PPA1: variants seen among roughly 807,000 people sequenced by gnomAD.
PPA1 encodes inorganic pyrophosphatase 1, also known as inorganic pyrophosphatase.
PPA1 carries 23 observed loss-of-function variants against 41.8 expected under a neutral mutation model. The ratio of observed to expected loss-of-function variants is 0.55; its 90% CI spans 0.40 to 0.78. The LOEUF is 0.78. PPA1 is among the 30% of genes least tolerant of loss of function. The probability of loss-of-function intolerance (pLI) is 0.00; values close to 1 mark genes in which losing one functional copy is unlikely to be tolerated. For missense variants in PPA1, 320 were observed against 361.6 expected, an observed-to-expected ratio of 0.89 and a Z score of 0.93; for synonymous variants, 101 against 116.8, an observed-to-expected ratio of 0.86 and a Z score of 0.87.
At chr10:70,232,254 C>CA (rs1252392868) in intron 1 of PPA1, among the ~76,000 whole-genome samples, 2 of 152,206 alleles carry the variant, frequency 1.3e-5, no homozygotes, top group African/African-American at 4.8e-5. Context: ...TACACCAACT[C>CA]AGAGTTCGAG....
chr10:70,211,017 C>A (rs937178966), intron 6 of PPA1, among the ~76,000 whole-genome samples: 1 of 152,184 alleles, frequency 6.6e-6, no homozygotes, highest in Admixed American at 6.5e-5. Flanking sequence ...CCTGCCTCGG[C>A]CTCCCAAAGT....
intron 2 of PPA1, among the ~76,000 whole-genome samples, chr10:70,227,137 T>C (rs1381917697): frequency 2.6e-5 from 4 of 151,876 alleles, no homozygotes; most frequent in Non-Finnish European, 5.9e-5. Context: ...TGTTAGAAGA[T>C]ACTCTGAGCT....
intron 6 of PPA1, among the ~76,000 whole-genome samples, chr10:70,213,194 T>C (rs974396279): frequency 6.6e-6 from 1 of 152,088 alleles, no homozygotes; most frequent in Non-Finnish European, 1.5e-5. Flanking sequence ...TTAAAATAAA[T>C]AAACATACCA....
intron 7 of PPA1, 35 bp from the exon 8 acceptor site, chr10:70,209,325 A>G: frequency 2.7e-6 from 4 of 1,490,264 alleles, no homozygotes; most frequent in Non-Finnish European, 3.7e-6. Flanking sequence ...ACAATGATAA[A>G]AAGGTATTAT....
chr10:70,215,420 A>T (rs1402830952), intron 4 of PPA1, among the ~76,000 whole-genome samples: 2 of 152,058 alleles, frequency 1.3e-5, no homozygotes, highest in Non-Finnish European at 2.9e-5. Flanking sequence ...TTCCCAAAAC[A>T]GAAGTAGATA....
At position 70,227,216 on chromosome 10, in the gene PPA1, C is replaced by A. The variant is rs1168348536; in HGVS notation, c.123+3125G>T. ...GGACATCCCTACAATTTAAAAATAT[C>A]CAGTGAGCCCTTGCCTTTACCTTCT... On this transcript the variant is annotated intron_variant, in intron 2 of 10. Transcript: ENST00000373232. Among the ~76,000 whole-genome samples, 12 of 152,300 alleles carry A rather than the reference C, an allele frequency of 7.9e-5. No individual in the cohort carries two copies. The East Asian group carries it at 2.3e-3, about 29-fold the overall frequency.
In PPA1 at chr10:70,209,572, C is replaced by T. The variant is rs376889498; in HGVS notation, c.625G>A (p.Glu209Lys). ...KPENEFAFNAEFKDKDFAIDI... is the reference protein window; with the variant it reads ...KPENEFAFNAKFKDKDFAIDI... ...TGACATATTACCTTATCTTTAAATT[C>T]TGCATTAAACGCAAACTCATTTTCT... Residue 209 changes from glutamate to lysine, a missense_variant, in exon 7 of 11, where the codon GAA becomes AAA. Transcript: ENST00000373232. The T allele has an allele frequency of 1.7e-4, 275 of 1,601,920 alleles. No homozygotes were observed. The highest frequency in any genetic ancestry group is 2.3e-4 in the Non-Finnish European group (267 of 1,177,314).
chr10:70,206,101 G>C, intron 9 of PPA1, 163 bp downstream of exon 9: 1 of 604,608 alleles, frequency 1.7e-6, no homozygotes, highest in Non-Finnish European at 3.0e-6. Context: ...CAGTCAAATG[G>C]CCACTTGCAT....
Position 70,209,225 on chromosome 10 carries a change from C to T in PPA1, c.705G>A (p.Thr235=), listed in dbSNP as rs757175798. 4.3e-5 allele frequency: 69 copies of T among 1,598,646 alleles called. No individual in the cohort carries two copies. Among genetic ancestry groups the T allele is most frequent in the Non-Finnish European group, 5.6e-5 (65 of 1,166,324 alleles). The change falls in exon 8 of 11, where the codon ACG becomes ACA. Residue 235 remains threonine, a synonymous_variant. Coordinates refer to ENST00000373232, the MANE Select transcript of PPA1 (RefSeq NM_021129.4). ...CTTACCAACTGATTCCTTTTCCATTCGTTTTCTTAGTCACTAATGCTTTCC... is the reference window on the plus strand; with the variant it reads ...CTTACCAACTGATTCCTTTTCCATTTGTTTTCTTAGTCACTAATGCTTTCC... ...DHWKALVTKK[T]NGKGISCMNT...
intron 10 of PPA1, chr10:70,203,541 T>C (rs1310614973): frequency 5.1e-6 from 1 of 194,212 alleles, no homozygotes; most frequent in East Asian, 1.5e-4. Context: ...GCAGCTGGTA[T>C]TACAGACGTG....
intron 3 of PPA1, 54 bp from the exon 4 acceptor site, chr10:70,217,985 A>G: frequency 7.1e-7 from 1 of 1,417,836 alleles, no homozygotes; most frequent in Non-Finnish European, 9.6e-7. Flanking sequence ...ATACTATTCA[A>G]ATAAGGATCT....
rs914106366 is a variant in PPA1 at position 70,218,631 on chromosome 10, T to C, written c.177+133A>G. Reference sequence around the variant, plus strand: ...GGGAAGACTAGTAGGCAATGGGAGATACAACTAGAAAATAGACTGGGACCA... The same window carrying C: ...GGGAAGACTAGTAGGCAATGGGAGACACAACTAGAAAATAGACTGGGACCA... On this transcript the variant is annotated intron_variant, in intron 3 of 10. Coordinates refer to ENST00000373232, the MANE Select transcript of PPA1 (RefSeq NM_021129.4). 4.4e-6 allele frequency: 3 copies of C among 688,620 alleles called. No homozygotes were observed. In the African/African-American group the frequency reaches 5.4e-5, roughly 12 times the overall value. 42.7% of individuals were successfully genotyped at this position (688,620 alleles called of 1,614,324 possible). A position where few individuals can be genotyped will look rare whatever the true frequency, so the allele number is the denominator to read the frequency against.
At chr10:70,232,007 T>C (rs1255401598) in intron 1 of PPA1, among the ~76,000 whole-genome samples, 1 of 152,188 alleles carries the variant, frequency 6.6e-6, no homozygotes, top group Non-Finnish European at 1.5e-5. Flanking sequence ...AGAAAAACAG[T>C]CCCATGAATT....
chr10:70,209,835 C>A (rs1270276259), intron 6 of PPA1, 150 bp from the exon 7 acceptor site: 6 of 928,494 alleles, frequency 6.5e-6, no homozygotes, highest in African/African-American at 1.7e-5. Context: ...TGACTTATCA[C>A]GGAAGTTCAA....
At position 70,207,722 on chromosome 10, in the gene PPA1, G is replaced by A. The variant is rs150656998; in HGVS notation, c.726-1389C>T. Among the ~76,000 whole-genome samples the A allele has an allele frequency of 2.0e-3, 297 of 152,144 alleles. 7 individuals carry two copies. In the East Asian group the frequency reaches 0.051, roughly 26 times the overall value. On this transcript the variant is annotated intron_variant, in intron 8 of 10. Coordinates refer to ENST00000373232, the MANE Select transcript of PPA1 (RefSeq NM_021129.4). ...TACATAGTGTTAAATTTTAAAAATCGTAAGACAAGTCGTGTATATAATACA... is the reference window on the plus strand; with the variant it reads ...TACATAGTGTTAAATTTTAAAAATCATAAGACAAGTCGTGTATATAATACA...
At chr10:70,216,461 C>T (rs181188762) in intron 4 of PPA1, among the ~76,000 whole-genome samples, 6 of 149,912 alleles carry the variant, frequency 4.0e-5, no homozygotes, top group East Asian at 2.0e-4. Flanking sequence ...CACTCCAGCC[C>T]GGGCGACAGT....
In PPA1 at chr10:70,204,881, G is replaced by A; in HGVS notation, c.830C>T (p.Pro277Leu). The A allele has an allele frequency of 6.3e-7, 1 of 1,591,828 alleles. No homozygotes were observed. Among genetic ancestry groups the A allele is most frequent in the South Asian group, 1.1e-5 (1 of 88,090 alleles). Reference sequence around the variant, plus strand: ...TGGAATAGAAATCTTACCGTCTGTTGGTACTGTGCAGGCAGATTCACAGGG... The same window carrying A: ...TGGAATAGAAATCTTACCGTCTGTTAGTACTGTGCAGGCAGATTCACAGGG... ...PPPCESACTVPTDVDKWFHHQ... is the reference protein window; with the variant it reads ...PPPCESACTVLTDVDKWFHHQ... Residue 277 changes from proline to leucine, a missense_variant, in exon 10 of 11, where the codon CCA (proline) becomes CTA (leucine). Transcript: ENST00000373232.
At chr10:70,218,717 C>A in intron 3 of PPA1, 47 bp downstream of exon 3, 1 of 1,472,134 alleles carries the variant, frequency 6.8e-7, no homozygotes, top group South Asian at 1.2e-5. Flanking sequence ...GTGACTAGAT[C>A]AAAACCAATA....
intron 9 of PPA1, 114 bp downstream of exon 9, chr10:70,206,150 C>G: frequency 1.3e-6 from 1 of 788,404 alleles, no homozygotes; most frequent in Non-Finnish European, 2.2e-6. Context: ...CACACAGTAA[C>G]ATGCATACAA....
Sources: allele counts gnomAD v4.1 joint callset (sites outside exome capture counted in the v4.1 genomes callset), GRCh38; gene constraint gnomAD v4.1.1; transcripts MANE v1.5; gene names NCBI Gene and HGNC (gene_info 2026-07-23, HGNC 2026-07-21).